The following ALPK1 variants were observed in gnomAD, a reference collection of about 807,000 sequenced individuals.
ALPK1 encodes the protein alpha-protein kinase 1.
A neutral mutation model predicts 120.6 loss-of-function variants in ALPK1; 110 were observed. That is an observed-to-expected ratio of 0.91 (90% confidence interval 0.78 to 1.07). The LOEUF is 1.07. Among genes scored for constraint, ALPK1 ranks in the 50% least tolerant of loss-of-function variants. ALPK1 has a pLI of 0.00. For missense variants in ALPK1, 1,498 were observed against 1,483.9 expected, an observed-to-expected ratio of 1.01 and a Z score of -0.16; for synonymous variants, 582 against 560.3, an observed-to-expected ratio of 1.04 and a Z score of -0.55.
At chr4:112,412,159 C>T in intron 5 of ALPK1, 134 bp downstream of exon 5, 3 of 1,044,282 alleles carry the variant, frequency 2.9e-6, no homozygotes, top group South Asian at 1.5e-5. Context: ...CCGGGGCTCC[C>T]CTCCCCCGCC....
At position 112,306,738 on chromosome 4, in the gene ALPK1, G is replaced by A. The variant is rs186967302; in HGVS notation, c.-152-9063G>A. Among the ~76,000 whole-genome samples the A allele has an allele frequency of 1.6e-3, 240 of 151,982 alleles. 1 individual carries two copies. Among genetic ancestry groups the A allele is most frequent in the Admixed American group, 3.4e-3 (52 of 15,266 alleles). On this transcript the variant is annotated intron_variant, in intron 1 of 15. Transcript: ENST00000650871. Reference sequence around the variant, plus strand: ...TTGATTTTTTTGAAGGGTTTTTTGTGTCTCTATCTCCTTTAGTTCTGCTCT... The same window carrying A: ...TTGATTTTTTTGAAGGGTTTTTTGTATCTCTATCTCCTTTAGTTCTGCTCT...
chr4:112,403,764 A>G (rs1733033212), intron 4 of ALPK1, among the ~76,000 whole-genome samples: 1 of 152,188 alleles, frequency 6.6e-6, no homozygotes, highest in Non-Finnish European at 1.5e-5. Context: ...GATTCCTTCC[A>G]TCCTCCTCCA....
chr4:112,434,156 G>A (rs1734694270), intron 11 of ALPK1, among the ~76,000 whole-genome samples: 1 of 152,170 alleles, frequency 6.6e-6, no homozygotes, highest in African/African-American at 2.4e-5. Flanking sequence ...GTTATCGTTT[G>A]CTAATTTATG....
At chr4:112,298,441 T>TC (rs918295058) in intron 1 of ALPK1, among the ~76,000 whole-genome samples, 2 of 152,036 alleles carry the variant, frequency 1.3e-5, no homozygotes, top group African/African-American at 4.8e-5. Flanking sequence ...ACTTCTCTCT[T>TC]CCCACCTCCT....
At chr4:112,370,453 AT>A (rs1731355633) in intron 2 of ALPK1, among the ~76,000 whole-genome samples, 1 of 152,228 alleles carries the variant, frequency 6.6e-6, no homozygotes, top group East Asian at 1.9e-4. Context: ...AAAGTAATTC[AT>A]TGATTACCAA....
chr4:112,377,921 CA>C (rs1265267026), intron 3 of ALPK1, 23 bp downstream of exon 3: 3 of 1,587,098 alleles, frequency 1.9e-6, no homozygotes, highest in Admixed American at 1.7e-5. Flanking sequence ...TGGGAGGCAC[CA>C]GGGGTGAACC....
rs111610609 is a variant in ALPK1 at position 112,357,981 on chromosome 4, C to T, written c.-100-19697C>T. 166 of 687,740 alleles carry T rather than the reference C, an allele frequency of 2.4e-4. 1 individual carries two copies. The highest frequency in any genetic ancestry group is 2.2e-3 in the African/African-American group (125 of 57,018). 42.6% of individuals were successfully genotyped at this position (687,740 alleles called of 1,614,324 possible). A position where few individuals can be genotyped will look rare whatever the true frequency, so the allele number is the denominator to read the frequency against. On this transcript the variant is annotated intron_variant, in intron 2 of 15. Transcript: ENST00000650871. ...GGGTCTACCGGCGCCACCTTCCTGG[C>T]GGTATGCCGGGGAAACACTAGCGAG...
In ALPK1 at chr4:112,431,561, A is replaced by T. The variant is rs1443249854; in HGVS notation, c.2014A>T (p.Thr672Ser). 1 of 1,614,172 alleles carries T rather than the reference A, an allele frequency of 6.2e-7. No individual in the cohort carries two copies. Among genetic ancestry groups the T allele is most frequent in the South Asian group, 1.1e-5 (1 of 91,078 alleles). The change falls in exon 11 of 16, where the codon ACA (threonine) becomes TCA (serine). Residue 672 changes from threonine (T) to serine (S), a missense_variant. Coordinates refer to ENST00000650871, the MANE Select transcript of ALPK1 (RefSeq NM_025144.4). ...QNQPQQQMPL[T>S]PFSPHNTPGI... ...TCAGCCACAGCAACAGATGCCCTTG[A>T]CACCCTTCTCGCCTCATAATACCCC...
intron 4 of ALPK1, among the ~76,000 whole-genome samples, chr4:112,385,370 T>C (rs1732108622): frequency 6.6e-6 from 1 of 152,190 alleles, no homozygotes; most frequent in South Asian, 2.1e-4. Context: ...ATAGAGAATT[T>C]AAGAAGTTTG....
intron 2 of ALPK1, among the ~76,000 whole-genome samples, chr4:112,324,282 A>C (rs192520485): frequency 3.8e-4 from 57 of 150,318 alleles, no homozygotes; most frequent in African/African-American, 1.0e-3. Context: ...AGCCGAGATC[A>C]TGCCACTGCA....
At chr4:112,356,036 A>C in intron 2 of ALPK1, 1 of 728,054 alleles carries the variant, frequency 1.4e-6, no homozygotes, top group Admixed American at 2.0e-5. Context: ...ACTTACCAAG[A>C]GCGGCTGAGA....
chr4:112,360,886 T>C (rs1730884068), intron 2 of ALPK1, among the ~76,000 whole-genome samples: 3 of 152,218 alleles, frequency 2.0e-5, no homozygotes, highest in Non-Finnish European at 1.5e-5. Context: ...GCTTTAAAGA[T>C]CTTCTATGTC....
intron 9 of ALPK1, 104 bp from the exon 10 acceptor site, chr4:112,429,045 G>A: frequency 1.0e-6 from 1 of 988,532 alleles, no homozygotes; most frequent in East Asian, 2.4e-5. Flanking sequence ...GCGGTGAGGA[G>A]TCCCTTGAAA....
chr4:112,425,859 A>G lies in ALPK1; in HGVS notation c.622+108A>G, dbSNP rs114326978. ...TATCAGGCTAAAATTGTTAATTTCCACTTGCCTTAGTTTCCTCATCGAAAA... is the reference window on the plus strand; with the variant it reads ...TATCAGGCTAAAATTGTTAATTTCCGCTTGCCTTAGTTTCCTCATCGAAAA... On this transcript the variant is annotated intron_variant, in intron 7 of 15. Transcript: ENST00000650871. 1.1e-3 allele frequency: 921 copies of G among 851,224 alleles called. 4 individuals carry two copies. In the African/African-American group the frequency reaches 0.015, roughly 14 times the overall value. The allele number at this position is 851,224 out of a possible 1,614,324, so 52.7% of individuals were successfully genotyped here.
intron 10 of ALPK1, among the ~76,000 whole-genome samples, chr4:112,429,458 C>T (rs546233126): frequency 2.6e-5 from 4 of 152,258 alleles, no homozygotes; most frequent in Admixed American, 2.0e-4. Context: ...TTAATTCAGC[C>T]CAAGGGTAGA....
At chr4:112,302,757 C>T (rs192582021) in intron 1 of ALPK1, among the ~76,000 whole-genome samples, 85 of 150,304 alleles carry the variant, frequency 5.7e-4, no homozygotes, top group Admixed American at 1.1e-3. Context: ...AACAAACAAA[C>T]CCCTTTTTGC....
At chr4:112,367,737 T>C (rs1731220520) in intron 2 of ALPK1, among the ~76,000 whole-genome samples, 1 of 152,222 alleles carries the variant, frequency 6.6e-6, no homozygotes, top group Non-Finnish European at 1.5e-5. Flanking sequence ...CTTCTTCCCA[T>C]CTAAGACTCT....
chr4:112,324,102 C>A (rs997865018), intron 2 of ALPK1, among the ~76,000 whole-genome samples: 3 of 151,940 alleles, frequency 2.0e-5, no homozygotes, highest in Non-Finnish European at 4.4e-5. Context: ...CCAAGGCGGG[C>A]GGATCACGAG....
At position 112,430,538 on chromosome 4, in the gene ALPK1, G is replaced by A. The variant is rs367806439; in HGVS notation, c.991G>A (p.Ala331Thr). The A allele has an allele frequency of 6.2e-7, 1 of 1,614,102 alleles. No individual in the cohort carries two copies. Among genetic ancestry groups the A allele is most frequent in the Non-Finnish European group, 8.5e-7 (1 of 1,180,022 alleles). Reference protein sequence around the residue: ...KNLHLCEAKEAFEIGLLTKRD... With the variant: ...KNLHLCEAKETFEIGLLTKRD... ...CTTACATCTGTGTGAAGCCAAAGAG[G>A]CCTTTGAGATTGGCCTCCTCACCAA... Residue 331 changes from alanine to threonine, a missense_variant, in exon 11 of 16, where the codon GCC becomes ACC. By Grantham distance (58) the Ala-to-Thr change is moderately conservative. Transcript: ENST00000650871.
Sources: allele counts gnomAD v4.1 joint callset (sites outside exome capture counted in the v4.1 genomes callset), GRCh38; gene constraint gnomAD v4.1.1; transcripts MANE v1.5; gene names NCBI Gene and HGNC (gene_info 2026-07-23, HGNC 2026-07-21).